Variants in LIMD1 observed in about 807,000 individuals in gnomAD.
The protein encoded by LIMD1 is LIM domain containing 1, also known as LIM domain-containing protein 1.
Under a neutral mutation model 58.4 loss-of-function variants are expected in LIMD1, and 23 were observed. That is an observed-to-expected ratio of 0.39 (90% CI 0.28 to 0.56). The LOEUF is 0.56. LIMD1 is among the 20% of genes least tolerant of loss of function. The pLI is 0.57. For missense variants in LIMD1, 838 were observed against 855.5 expected, an observed-to-expected ratio of 0.98 and a Z score of 0.25; for synonymous variants, 334 against 345.5, an observed-to-expected ratio of 0.97 and a Z score of 0.37.
In LIMD1 at chr3:45,684,622, A is replaced by C. The variant is rs998667682; in HGVS notation, c.*7563A>C. The C allele has an allele frequency of 1.1e-4, 16 of 152,178 alleles. No individual in the cohort carries two copies. Among genetic ancestry groups the C allele is most frequent in the African/African-American group, 3.9e-4 (16 of 41,430 alleles). The allele number at this position is 152,178 out of a possible 1,614,324, so 9.4% of individuals were successfully genotyped here. ...CTGATATATAGAGGAGGGGGTTTGA[A>C]GAGGTGGTATTTGATTTACATAGAG... On this transcript the variant is annotated 3_prime_UTR_variant, in exon 8 of 8. Coordinates refer to ENST00000273317, the MANE Select transcript of LIMD1 (RefSeq NM_014240.3).
chr3:45,674,591 T>C, intron 7 of LIMD1, 180 bp downstream of exon 7: 1 of 593,252 alleles, frequency 1.7e-6, no homozygotes, highest in Non-Finnish European at 3.1e-6. Context: ...ATGGAAATGC[T>C]CAAGGTATAA....
At chr3:45,609,798 G>A (rs943998995) in intron 1 of LIMD1, among the ~76,000 whole-genome samples, 5 of 152,202 alleles carry the variant, frequency 3.3e-5, no homozygotes, top group African/African-American at 1.2e-4. Flanking sequence ...TCCTCCTGCT[G>A]TATCTGAGCT....
At chr3:45,607,220 C>T (rs554126411) in intron 1 of LIMD1, among the ~76,000 whole-genome samples, 2 of 152,102 alleles carry the variant, frequency 1.3e-5, no homozygotes, top group African/African-American at 4.8e-5. Flanking sequence ...CACTTGCCAG[C>T]GAATATTTAT....
intron 1 of LIMD1, among the ~76,000 whole-genome samples, chr3:45,609,323 G>A (rs185576508): frequency 1.4e-4 from 22 of 152,350 alleles, no homozygotes; most frequent in African/African-American, 5.3e-4. Context: ...ACATTTTGCG[G>A]TTAAGGGAAT....
intron 2 of LIMD1, among the ~76,000 whole-genome samples, chr3:45,649,256 A>G (rs150538218): frequency 6.6e-6 from 1 of 152,076 alleles, no homozygotes; most frequent in Non-Finnish European, 1.5e-5. Flanking sequence ...TCAGGTTTTC[A>G]TCTGGTACCA....
At position 45,683,327 on chromosome 3, in the gene LIMD1, A is replaced by G. The variant is rs1215584081; in HGVS notation, c.*6268A>G. 1 of 152,186 alleles carries G rather than the reference A, an allele frequency of 6.6e-6. No individual in the cohort carries two copies. Among genetic ancestry groups the G allele is most frequent in the Non-Finnish European group, 1.5e-5 (1 of 68,036 alleles). 9.4% of individuals were successfully genotyped at this position (152,186 alleles called of 1,614,324 possible). A position where few individuals can be genotyped will look rare whatever the true frequency, so the allele number is the denominator to read the frequency against. On this transcript the variant is annotated 3_prime_UTR_variant, in exon 8 of 8. Coordinates refer to ENST00000273317, the MANE Select transcript of LIMD1 (RefSeq NM_014240.3). ...CAGGCTGACTTCCTAGAACTAAGTC[A>G]AAAGGAAAACCCCAACTTTCCACGC... is the stretch of plus-strand genomic sequence containing the variant.
intron 1 of LIMD1, among the ~76,000 whole-genome samples, chr3:45,620,578 A>G (rs995357150): frequency 7.2e-5 from 11 of 152,048 alleles, no homozygotes; most frequent in African/African-American, 2.4e-4. Context: ...ACTTGAAGTC[A>G]GGTGTTTGAG....
intron 2 of LIMD1, among the ~76,000 whole-genome samples, chr3:45,664,122 C>T: frequency 6.6e-6 from 1 of 152,100 alleles, no homozygotes; most frequent in East Asian, 1.9e-4. Context: ...CCACCTGCCT[C>T]AGCCTCCCAA....
chr3:45,607,806 C>T (rs766589885), intron 1 of LIMD1, among the ~76,000 whole-genome samples: 6 of 152,178 alleles, frequency 3.9e-5, no homozygotes, highest in African/African-American at 4.8e-5. Flanking sequence ...GTGCCCGAAA[C>T]CCCTTCTGAC....
At chr3:45,620,452 T>A (rs1386893710) in intron 1 of LIMD1, among the ~76,000 whole-genome samples, 1 of 151,978 alleles carries the variant, frequency 6.6e-6, no homozygotes, top group Non-Finnish European at 1.5e-5. Context: ...AATGAAGAGG[T>A]CAGCATTTGG....
intron 2 of LIMD1, among the ~76,000 whole-genome samples, chr3:45,647,542 G>A (rs928329583): frequency 6.6e-6 from 1 of 152,168 alleles, no homozygotes; most frequent in African/African-American, 2.4e-5. Context: ...CTCCACATCC[G>A]CAGCAGCCCT....
intron 6 of LIMD1, chr3:45,673,814 C>G (rs889833546): frequency 5.3e-6 from 2 of 374,334 alleles, no homozygotes; most frequent in African/African-American, 4.1e-5. Context: ...TGCTTGAGCC[C>G]AAGAGTTTGA....
At chr3:45,599,203 A>G (rs947125419) in intron 1 of LIMD1, among the ~76,000 whole-genome samples, 5 of 152,084 alleles carry the variant, frequency 3.3e-5, no homozygotes, top group Admixed American at 6.6e-5. Flanking sequence ...TTTGAAGTGA[A>G]CAATTCAGTG....
intron 1 of LIMD1, among the ~76,000 whole-genome samples, chr3:45,602,087 C>T (rs560644203): frequency 8.5e-5 from 13 of 152,070 alleles, no homozygotes; most frequent in Admixed American, 2.6e-4. Context: ...GGACTGCAGG[C>T]GCCCGCCACC....
chr3:45,623,043 G>A lies in LIMD1; in HGVS notation c.1409-13107G>A, dbSNP rs898773440. Among the ~76,000 whole-genome samples, 6 of 152,240 alleles carry A rather than the reference G, an allele frequency of 3.9e-5. No homozygotes were observed. The South Asian group carries it at 1.2e-3, about 32-fold the overall frequency. Reference sequence around the variant, plus strand: ...CCACGTTTATGCTTCCATTAAGAGTGTATGAGAGAGCCCTTTCTCTACACC... The same window carrying A: ...CCACGTTTATGCTTCCATTAAGAGTATATGAGAGAGCCCTTTCTCTACACC... On this transcript the variant is annotated intron_variant, in intron 1 of 7. Transcript: ENST00000273317.
rs1491051678 is a variant in LIMD1 at position 45,594,843 on chromosome 3, ACG to A, written c.-36_-35del. ...CACACACACACACACACACACACAC[ACG>A]GCACCTGGGCTAGGCCCGGACACCT... On this transcript the variant is annotated 5_prime_UTR_variant, in exon 1 of 8. Transcript: ENST00000273317. 38 of 1,179,620 alleles carry A rather than the reference ACG, an allele frequency of 3.2e-5. No homozygotes were observed. In the African/African-American group the frequency reaches 4.9e-4, roughly 15 times the overall value. The allele number at this position is 1,179,620 out of a possible 1,614,324, so 73.1% of individuals were successfully genotyped here.
At chr3:45,606,077 C>G (rs930699030) in intron 1 of LIMD1, among the ~76,000 whole-genome samples, 1 of 152,212 alleles carries the variant, frequency 6.6e-6, no homozygotes, top group Non-Finnish European at 1.5e-5. Flanking sequence ...TAAAATTGGT[C>G]TAGCAGTTTC....
intron 2 of LIMD1, among the ~76,000 whole-genome samples, chr3:45,649,703 T>C (rs576004648): frequency 1.7e-3 from 164 of 97,416 alleles, no homozygotes; most frequent in African/African-American, 4.7e-3. Flanking sequence ...ATTATATATA[T>C]GTATACATAT....
intron 6 of LIMD1, 118 bp downstream of exon 6, chr3:45,673,623 T>C: frequency 1.1e-6 from 1 of 931,864 alleles, no homozygotes; most frequent in Non-Finnish European, 1.8e-6. Context: ...TTTAAAAATC[T>C]CAACTCTGGC....
Sources: allele counts gnomAD v4.1 joint callset (sites outside exome capture counted in the v4.1 genomes callset), GRCh38; gene constraint gnomAD v4.1.1; transcripts MANE v1.5; gene names NCBI Gene and HGNC (gene_info 2026-07-23, HGNC 2026-07-21).